GMDS: variants seen among roughly 807,000 people sequenced by gnomAD.
GMDS encodes the protein GDP-mannose 4,6-dehydratase, also known as GDP-mannose 4,6 dehydratase.
A neutral mutation model predicts 49.9 loss-of-function variants in GMDS; 20 were observed. The observed-to-expected ratio is 0.40, with a 90% CI of 0.28 to 0.58. GMDS has a LOEUF of 0.58. Ranked by LOEUF, GMDS falls within the 20% of genes least tolerant of loss-of-function variation. The probability of loss-of-function intolerance (pLI) is 0.42; values close to 1 mark genes in which losing one functional copy is unlikely to be tolerated. For synonymous variants in GMDS, 177 were observed against 178.6 expected, an observed-to-expected ratio of 0.99 and a Z score of 0.07; for missense variants, 362 against 481.4, an observed-to-expected ratio of 0.75 and a Z score of 2.32.
intron 4 of GMDS, among the ~76,000 whole-genome samples, chr6:2,082,964 T>C (rs969618935): frequency 6.6e-6 from 1 of 152,258 alleles, no homozygotes; most frequent in Non-Finnish European, 1.5e-5. Flanking sequence ...CATCACAAGA[T>C]GTCTTTTTAA....
intron 7 of GMDS, among the ~76,000 whole-genome samples, chr6:1,849,114 C>T (rs1041078450): frequency 5.9e-5 from 9 of 152,170 alleles, no homozygotes; most frequent in South Asian, 2.1e-4. Context: ...CTGGCCTAGA[C>T]CTGTAAGTAT....
At chr6:2,096,408 A>G (rs1254589164) in intron 4 of GMDS, among the ~76,000 whole-genome samples, 1 of 152,158 alleles carries the variant, frequency 6.6e-6, no homozygotes, top group East Asian at 1.9e-4. Context: ...TTGTTTCAGA[A>G]AACAACATAT....
chr6:1,770,885 T>C (rs1214239313), intron 7 of GMDS, among the ~76,000 whole-genome samples: 5 of 152,218 alleles, frequency 3.3e-5, no homozygotes, highest in African/African-American at 1.2e-4. Context: ...AAGGTAATAA[T>C]TGAAGAGGCA....
chr6:2,071,196 G>A (rs1332120161), intron 4 of GMDS, among the ~76,000 whole-genome samples: 2 of 152,116 alleles, frequency 1.3e-5, no homozygotes, highest in Non-Finnish European at 2.9e-5. Context: ...AATAATAAAC[G>A]TCAAATCCTA....
At chr6:2,122,134 C>T (rs946224913) in intron 2 of GMDS, among the ~76,000 whole-genome samples, 1 of 152,172 alleles carries the variant, frequency 6.6e-6, no homozygotes, top group African/African-American at 2.4e-5. Context: ...AGAAGCAAGG[C>T]CTCACGGATT....
At chr6:1,892,971 C>T (rs1759948626) in intron 7 of GMDS, among the ~76,000 whole-genome samples, 1 of 152,118 alleles carries the variant, frequency 6.6e-6, no homozygotes, top group South Asian at 2.1e-4. Context: ...CACACTAGCT[C>T]CTTGTTTATA....
At chr6:2,142,387 C>A (rs557815923) in intron 1 of GMDS, among the ~76,000 whole-genome samples, 1 of 151,998 alleles carries the variant, frequency 6.6e-6, no homozygotes, top group South Asian at 2.1e-4. Flanking sequence ...AAGTAGGTGG[C>A]CCCTAATCCA....
At chr6:1,715,893 C>A (rs1766158295) in intron 9 of GMDS, among the ~76,000 whole-genome samples, 1 of 152,228 alleles carries the variant, frequency 6.6e-6, no homozygotes, top group Non-Finnish European at 1.5e-5. Context: ...GTCTTATTAA[C>A]TTCAATACCT....
chr6:1,701,100 C>T (rs1008183195), intron 9 of GMDS, among the ~76,000 whole-genome samples: 11 of 152,282 alleles, frequency 7.2e-5, no homozygotes, highest in African/African-American at 2.6e-4. Context: ...ATTTACAGCG[C>T]ATGCCTTTGC....
chr6:1,941,639 A>G (rs6900111), intron 6 of GMDS, among the ~76,000 whole-genome samples: 47,023 of 152,070 alleles, frequency 0.31, 7,548 homozygotes, highest in Middle Eastern at 0.36. Flanking sequence ...AGTGAGAGAA[A>G]GGGGTGAGAC....
intron 4 of GMDS, among the ~76,000 whole-genome samples, chr6:1,978,898 G>T (rs1765070347): frequency 6.6e-6 from 1 of 152,158 alleles, no homozygotes; most frequent in Non-Finnish European, 1.5e-5. Flanking sequence ...AGAGGAAGGG[G>T]CAAGCTGCCA....
At chr6:2,156,353 G>A (rs1777113926) in intron 1 of GMDS, among the ~76,000 whole-genome samples, 1 of 152,078 alleles carries the variant, frequency 6.6e-6, no homozygotes, top group African/African-American at 2.4e-5. Context: ...AATTTTTTTA[G>A]ATGTTTTTAC....
At chr6:1,642,309 G>A (rs975618443) in intron 9 of GMDS, among the ~76,000 whole-genome samples, 1 of 152,102 alleles carries the variant, frequency 6.6e-6, no homozygotes, top group South Asian at 2.1e-4. Context: ...TGGGACTACA[G>A]GAATGTGCCA....
chr6:1,879,552 A>G (rs1210355304), intron 7 of GMDS, among the ~76,000 whole-genome samples: 1 of 151,892 alleles, frequency 6.6e-6, no homozygotes, highest in East Asian at 1.9e-4. Context: ...GAAGACAGAA[A>G]CCTATTCTTA....
chr6:1,973,579 C>G (rs1764734337), intron 4 of GMDS, among the ~76,000 whole-genome samples: 1 of 151,856 alleles, frequency 6.6e-6, no homozygotes, highest in African/African-American at 2.4e-5. Flanking sequence ...AATTTGGGGA[C>G]AAATAATGAA....
intron 9 of GMDS, among the ~76,000 whole-genome samples, chr6:1,657,405 T>C (rs568933060): frequency 2.0e-5 from 3 of 152,260 alleles, no homozygotes; most frequent in Non-Finnish European, 4.4e-5. Flanking sequence ...GCAGGTCAAG[T>C]CTCAGTATGA....
At chr6:1,892,757 G>GGC (rs1759931550) in intron 7 of GMDS, among the ~76,000 whole-genome samples, 1 of 152,146 alleles carries the variant, frequency 6.6e-6, no homozygotes, top group Non-Finnish European at 1.5e-5. Context: ...GGTTCACAGT[G>GGC]TTTGCAAAAA....
chr6:2,217,330 C>T (rs1780387557), intron 1 of GMDS, among the ~76,000 whole-genome samples: 1 of 152,028 alleles, frequency 6.6e-6, no homozygotes, highest in Non-Finnish European at 1.5e-5. Context: ...ACGTGTTTGC[C>T]TGTAATAGAG....
intron 1 of GMDS, among the ~76,000 whole-genome samples, chr6:2,178,419 G>A (rs984540557): frequency 6.6e-6 from 1 of 152,032 alleles, no homozygotes; most frequent in African/African-American, 2.4e-5. Context: ...GGGAAGAGGT[G>A]CCACATGCTT....
Sources: allele counts gnomAD v4.1 joint callset (sites outside exome capture counted in the v4.1 genomes callset), GRCh38; gene constraint gnomAD v4.1.1; transcripts MANE v1.5; gene names NCBI Gene and HGNC (gene_info 2026-07-23, HGNC 2026-07-21).